MYT1L: variants seen among roughly 807,000 people sequenced by gnomAD.
MYT1L encodes myelin transcription factor 1-like protein.
A neutral mutation model predicts 126.7 loss-of-function variants in MYT1L; 12 were observed. The observed-to-expected ratio is 0.09, with a 90% CI of 0.06 to 0.15. MYT1L has a LOEUF of 0.15. Ranked by LOEUF, MYT1L falls within the 10% of genes least tolerant of loss-of-function variation. The pLI, the probability that MYT1L is intolerant of heterozygous loss-of-function variation, is 1.00. For missense variants in MYT1L, 979 were observed against 1,585.2 expected (o/e 0.62, Z 6.49); for synonymous variants, 541 against 604.2 (o/e 0.90, Z 1.53).
intron 18 of MYT1L, among the ~76,000 whole-genome samples, chr2:1,854,972 GGTGGTAATTCA>G (rs1322643416): frequency 6.6e-6 from 1 of 152,156 alleles, no homozygotes; most frequent in Non-Finnish European, 1.5e-5. Flanking sequence ...GGTTTTCGGG[GGTGGTAATTCA>G]GCTTTTCCGT....
At chr2:2,205,976 T>G (rs1456582176) in intron 2 of MYT1L, among the ~76,000 whole-genome samples, 1 of 146,238 alleles carries the variant, frequency 6.8e-6, no homozygotes, top group Non-Finnish European at 1.5e-5. Flanking sequence ...TTTCTTTTCT[T>G]TTCTTTTCTT....
intron 2 of MYT1L, among the ~76,000 whole-genome samples, chr2:2,246,998 C>T (rs1000192807): frequency 1.3e-5 from 2 of 151,922 alleles, no homozygotes; most frequent in African/African-American, 4.8e-5. Flanking sequence ...GGTGGTATGA[C>T]CTTTGGAAAA....
chr2:2,292,354 C>T (rs2095612216), intron 1 of MYT1L, among the ~76,000 whole-genome samples: 1 of 152,170 alleles, frequency 6.6e-6, no homozygotes, highest in African/African-American at 2.4e-5. Context: ...GAAAACAAAC[C>T]TGAAATTGGA....
intron 21 of MYT1L, among the ~76,000 whole-genome samples, chr2:1,836,052 T>C (rs563382837): frequency 6.6e-6 from 1 of 152,208 alleles, no homozygotes; most frequent in East Asian, 1.9e-4. Flanking sequence ...AAGAGGAGGC[T>C]GCTGAGCCCT....
At chr2:1,866,406 G>A (rs1180808828) in intron 18 of MYT1L, among the ~76,000 whole-genome samples, 2 of 151,540 alleles carry the variant, frequency 1.3e-5, no homozygotes, top group East Asian at 2.0e-4. Flanking sequence ...GAGAGGTGGG[G>A]GAGGAGAGAG....
chr2:2,234,810 A>G (rs569476414), intron 2 of MYT1L, among the ~76,000 whole-genome samples: 2 of 152,226 alleles, frequency 1.3e-5, no homozygotes, highest in East Asian at 3.9e-4. Flanking sequence ...GCAAAATAAC[A>G]TAGGCTATTA....
At chr2:2,327,352 G>T (rs1343274189) in intron 1 of MYT1L, among the ~76,000 whole-genome samples, 1 of 151,942 alleles carries the variant, frequency 6.6e-6, no homozygotes, top group Admixed American at 6.6e-5. Flanking sequence ...GTTGTGTTGT[G>T]GTACAGAATA....
chr2:1,876,948 G>A (rs2046987712), intron 18 of MYT1L, among the ~76,000 whole-genome samples: 1 of 152,210 alleles, frequency 6.6e-6, no homozygotes, highest in Non-Finnish European at 1.5e-5. Context: ...TGCTCACCCT[G>A]CTGGAGACTC....
intron 2 of MYT1L, among the ~76,000 whole-genome samples, chr2:2,249,826 TA>T (rs561222745): frequency 9.8e-4 from 149 of 151,944 alleles, no homozygotes; most frequent in Non-Finnish European, 1.7e-3. Flanking sequence ...AACAACTTTA[TA>T]AAAAAAACTA....
chr2:2,169,819 T>A (rs779910423), intron 3 of MYT1L, among the ~76,000 whole-genome samples: 3 of 152,158 alleles, frequency 2.0e-5, no homozygotes, highest in Admixed American at 6.5e-5. Context: ...TCTTTTGGCT[T>A]ATGCGCGGTT....
Position 1,922,870 on chromosome 2 carries a change from A to T in MYT1L, c.899T>A (p.Val300Asp), listed in dbSNP as rs770993071. 1 of 1,613,856 alleles carries T rather than the reference A, an allele frequency of 6.2e-7. No individual in the cohort carries two copies. The highest frequency in any genetic ancestry group is 1.7e-5 in the Admixed American group (1 of 59,996). The change falls in exon 10 of 25, where the codon GTC (valine) becomes GAC (aspartate). Residue 300 changes from valine to aspartate, a missense_variant. This residue lies in a region of MYT1L where 243 missense variants were observed against 363.9 expected (regional missense o/e 0.67). Coordinates refer to ENST00000647738, the MANE Select transcript of MYT1L (RefSeq NM_001303052.2). The surrounding 1 kb of genome is among the most constrained non-coding windows in gnomAD (Gnocchi z 7.4). ...GTTGTTCATGGGCTTCCCCAACATG[A>T]CGTAATTCATATTTCTACTGTCTTG... ...SQQDSRNMNY[V>D]MLGKPMNNGL...
At chr2:2,146,617 G>T (rs1322193387) in intron 3 of MYT1L, among the ~76,000 whole-genome samples, 3 of 152,154 alleles carry the variant, frequency 2.0e-5, no homozygotes, top group African/African-American at 7.2e-5. Context: ...TCCAAAGGAG[G>T]GCCGGCTTGT....
chr2:2,225,844 T>C (rs2093995296), intron 2 of MYT1L, among the ~76,000 whole-genome samples: 1 of 152,024 alleles, frequency 6.6e-6, no homozygotes, highest in African/African-American at 2.4e-5. Context: ...CAAACAAAGG[T>C]CCCTTCCGTG....
intron 5 of MYT1L, among the ~76,000 whole-genome samples, chr2:1,991,510 C>T (rs2061453802): frequency 6.6e-6 from 1 of 152,070 alleles, no homozygotes; most frequent in Non-Finnish European, 1.5e-5. Context: ...AAACTCCTGG[C>T]CTCGAGTGAT....
At chr2:1,966,598 A>G (rs1435440844) in intron 8 of MYT1L, among the ~76,000 whole-genome samples, 2 of 152,200 alleles carry the variant, frequency 1.3e-5, no homozygotes, top group African/African-American at 4.8e-5. Context: ...TTGTCTGCAA[A>G]GATACTTTTC....
chr2:1,856,755 C>T (rs1180583507), intron 18 of MYT1L, among the ~76,000 whole-genome samples: 1 of 152,224 alleles, frequency 6.6e-6, no homozygotes, highest in East Asian at 1.9e-4. Flanking sequence ...GCATTGAAAG[C>T]ACGACATGCT....
chr2:2,205,965 A>ATTTCTTTTCTTTTCTTTTCT (rs200696838), intron 2 of MYT1L, among the ~76,000 whole-genome samples: 28 of 149,924 alleles, frequency 1.9e-4, no homozygotes, highest in African/African-American at 6.7e-4. Context: ...CTGTCCCATA[A>ATTTCTTTTCTTTTCTTTTCT]TTTCTTTTCT....
At chr2:1,857,290 A>T (rs1558774278) in intron 18 of MYT1L, among the ~76,000 whole-genome samples, 1 of 152,198 alleles carries the variant, frequency 6.6e-6, no homozygotes, top group Non-Finnish European at 1.5e-5. Flanking sequence ...TTAACTACTT[A>T]TTTATTTTTT....
chr2:2,255,494 A>G (rs1361456137), intron 2 of MYT1L, among the ~76,000 whole-genome samples: 1 of 152,202 alleles, frequency 6.6e-6, no homozygotes, highest in Non-Finnish European at 1.5e-5. Flanking sequence ...AAGGAGCCAC[A>G]CGGTGAAATC....
Sources: gnomAD v4.1 joint callset for allele counts (sites outside exome capture counted in the v4.1 genomes callset) on GRCh38, gnomAD v4.1.1 for gene constraint, gnomAD v4.1.1 regional missense constraint, Gnocchi (gnomAD v3.1) non-coding constraint, MANE v1.5 for transcripts, NCBI Gene and HGNC (gene_info 2026-07-23, HGNC 2026-07-21) for gene names.